DMTF1: variants seen among roughly 807,000 people sequenced by gnomAD.
DMTF1 encodes the protein cyclin D binding myb like transcription factor 1.
A neutral mutation model predicts 91.1 loss-of-function variants in DMTF1; 39 were observed. The ratio of observed to expected loss-of-function variants is 0.43; its 90% CI spans 0.33 to 0.56. The LOEUF is 0.56. Among genes scored for constraint, DMTF1 ranks in the 20% least tolerant of loss-of-function variants. DMTF1 has a pLI of 0.05. For missense variants in DMTF1, 750 were observed against 914.5 expected, an observed-to-expected ratio of 0.82 and a Z score of 2.32; for synonymous variants, 338 against 309.5, an observed-to-expected ratio of 1.09 and a Z score of -0.97.
chr7:87,184,749 A>T (rs1798044098), intron 11 of DMTF1, 124 bp downstream of exon 11: 1 of 812,840 alleles, frequency 1.2e-6, no homozygotes, highest in Admixed American at 2.0e-5. Context: ...ATAGAGCACT[A>T]CTGTTTAAGA....
At chr7:87,163,967 C>G (rs936967645) in intron 2 of DMTF1, among the ~76,000 whole-genome samples, 6 of 148,412 alleles carry the variant, frequency 4.0e-5, no homozygotes, top group African/African-American at 7.5e-5. Flanking sequence ...CACTTGAGCT[C>G]AGAAGTTCAA....
At chr7:87,162,466 T>C (rs936820600) in intron 1 of DMTF1, among the ~76,000 whole-genome samples, 1 of 152,170 alleles carries the variant, frequency 6.6e-6, no homozygotes, top group African/African-American at 2.4e-5. Context: ...AATTGCACAA[T>C]ACACTATAAT....
chr7:87,161,186 G>T (rs1584212273), intron 1 of DMTF1, among the ~76,000 whole-genome samples: 1 of 152,022 alleles, frequency 6.6e-6, no homozygotes, highest in Admixed American at 6.6e-5. Flanking sequence ...GGGGAAAAAA[G>T]GTGAGTCAAG....
intron 4 of DMTF1, among the ~76,000 whole-genome samples, chr7:87,167,180 C>A (rs551724752): frequency 2.0e-5 from 3 of 152,336 alleles, no homozygotes; most frequent in Admixed American, 2.0e-4. Context: ...ATTGCCTCTT[C>A]AGTATGCTGT....
At chr7:87,170,080 A>G (rs1301164315) in intron 4 of DMTF1, among the ~76,000 whole-genome samples, 1 of 152,102 alleles carries the variant, frequency 6.6e-6, no homozygotes, top group Admixed American at 6.5e-5. Context: ...ATCTTCTCCT[A>G]CTAATTAGTA....
intron 14 of DMTF1, 43 bp from the exon 15 acceptor site, chr7:87,193,155 G>T: frequency 6.2e-7 from 1 of 1,604,422 alleles, no homozygotes; most frequent in Non-Finnish European, 8.5e-7. Context: ...GTATATAAAA[G>T]TAGACTTAAT....
chr7:87,156,627 T>G (rs1454079241), intron 1 of DMTF1, among the ~76,000 whole-genome samples: 1 of 152,164 alleles, frequency 6.6e-6, no homozygotes, highest in Non-Finnish European at 1.5e-5. Flanking sequence ...GAAGATGTTA[T>G]GCTTATTCTA....
At position 87,185,381 on chromosome 7, in the gene DMTF1, T is replaced by C. The variant is rs192935266; in HGVS notation, c.1050-448T>C. On this transcript the variant is annotated intron_variant, in intron 11 of 17. Transcript: ENST00000331242. ...GCTATTGCTTTTGTGTTATTTTGTT[T>C]TGGATTTTTTTTTCAACTAGTCATC... Among the ~76,000 whole-genome samples, 141 of 151,596 alleles carry C rather than the reference T, an allele frequency of 9.3e-4. 1 individual carries two copies. The highest frequency in any genetic ancestry group is 1.5e-3 in the Non-Finnish European group (102 of 67,916).
At chr7:87,173,054 T>C (rs377104039) in intron 5 of DMTF1, among the ~76,000 whole-genome samples, 19 of 152,206 alleles carry the variant, frequency 1.2e-4, no homozygotes, top group African/African-American at 4.6e-4. Context: ...GAGATGACAT[T>C]ATTGATGATT....
intron 16 of DMTF1, chr7:87,194,372 T>C (rs917507767): frequency 2.2e-6 from 1 of 449,364 alleles, no homozygotes; most frequent in East Asian, 3.4e-5. Flanking sequence ...TTAGAACCCA[T>C]AGAAGCATTT....
chr7:87,175,745 G>T (rs770764231), intron 7 of DMTF1, among the ~76,000 whole-genome samples: 15 of 152,200 alleles, frequency 9.9e-5, no homozygotes, highest in Non-Finnish European at 1.9e-4. Flanking sequence ...GAAGCAGCAA[G>T]AAATCAAAGA....
At chr7:87,154,449 G>T (rs764790404) in intron 1 of DMTF1, 14 of 152,602 alleles carry the variant, frequency 9.2e-5, no homozygotes, top group Non-Finnish European at 1.9e-4. Flanking sequence ...CATATTCTGC[G>T]TGAATCTCTT....
intron 1 of DMTF1, among the ~76,000 whole-genome samples, chr7:87,160,544 GGAGCCACCCAAAAT>G: frequency 6.6e-6 from 1 of 151,724 alleles, no homozygotes; most frequent in East Asian, 1.9e-4. Flanking sequence ...CAAAGTGCTG[GGAGCCACCCAAAAT>G]GAGCCACCAC....
At chr7:87,168,459 G>A (rs73206945) in intron 4 of DMTF1, among the ~76,000 whole-genome samples, 5,606 of 152,046 alleles carry the variant, frequency 0.037, 125 homozygotes, top group East Asian at 0.065. Flanking sequence ...TTCCTGTAGG[G>A]CTCTAACTCT....
rs1799424895 is a variant in DMTF1 at position 87,190,187 on chromosome 7, C to G, written c.1412-758C>G. On this transcript the variant is annotated intron_variant, in intron 13 of 17. Transcript: ENST00000331242. ...TTGACACACATGTAAAGACATTATA[C>G]TGTCTGATCTTTATTCAGTCCCCAA... Among the ~76,000 whole-genome samples the G allele has an allele frequency of 2.0e-5, 3 of 152,020 alleles. No individual in the cohort carries two copies. In the South Asian group the frequency reaches 6.2e-4, roughly 31 times the overall value.
At chr7:87,181,062 C>G (rs536495970) in intron 8 of DMTF1, 156 of 219,962 alleles carry the variant, frequency 7.1e-4, no homozygotes, top group Non-Finnish European at 1.3e-3. Flanking sequence ...GTTGGCCAGG[C>G]TGGTCTCGAA....
chr7:87,179,409 T>C (rs991734702), intron 7 of DMTF1, 136 bp from the exon 8 acceptor site: 1 of 597,476 alleles, frequency 1.7e-6, no homozygotes, highest in Non-Finnish European at 2.5e-6. Flanking sequence ...ATATTTGATT[T>C]ATTAATGAAT....
intron 1 of DMTF1, among the ~76,000 whole-genome samples, chr7:87,156,627 T>C (rs1454079241): frequency 2.6e-5 from 4 of 152,164 alleles, no homozygotes; most frequent in African/African-American, 9.7e-5. Context: ...GAAGATGTTA[T>C]GCTTATTCTA....
intron 5 of DMTF1, among the ~76,000 whole-genome samples, chr7:87,172,239 G>A (rs1457796319): frequency 6.6e-6 from 1 of 152,152 alleles, no homozygotes; most frequent in South Asian, 2.1e-4. Flanking sequence ...CATATAGTCT[G>A]TCTCAATTCT....
Sources: allele counts gnomAD v4.1 joint callset (sites outside exome capture counted in the v4.1 genomes callset), GRCh38; gene constraint gnomAD v4.1.1; transcripts MANE v1.5; gene names NCBI Gene and HGNC (gene_info 2026-07-23, HGNC 2026-07-21).